Variants in FBLN5 observed in about 807,000 individuals in gnomAD.
FBLN5 encodes the protein fibulin-5.
FBLN5 carries 24 observed loss-of-function variants against 61.6 expected under a neutral mutation model. The ratio of observed to expected loss-of-function variants is 0.39; its 90% CI spans 0.28 to 0.55. FBLN5 has a LOEUF of 0.55. Ranked by LOEUF, FBLN5 falls within the 20% of genes least tolerant of loss-of-function variation. FBLN5 has a pLI of 0.65. For missense variants in FBLN5, 470 were observed against 594.1 expected (o/e 0.79, Z 2.17); for synonymous variants, 213 against 219.8 (o/e 0.97, Z 0.27).
chr14:91,931,668 C>A (rs2055926173), intron 4 of FBLN5, among the ~76,000 whole-genome samples: 1 of 152,330 alleles, frequency 6.6e-6, no homozygotes, highest in South Asian at 2.1e-4. Context: ...AAATATTTCA[C>A]AAACATGAGT....
At chr14:91,906,956 A>G (rs1334393145) in intron 4 of FBLN5, among the ~76,000 whole-genome samples, 2 of 152,212 alleles carry the variant, frequency 1.3e-5, no homozygotes, top group African/African-American at 4.8e-5. Flanking sequence ...GGTAATCCCA[A>G]CTCAGGATGG....
rs750670144 is a variant in FBLN5 at position 91,891,259 on chromosome 14, G to A, written c.581C>T (p.Pro194Leu). 2 of 1,613,606 alleles carry A rather than the reference G, an allele frequency of 1.2e-6. No individual in the cohort carries two copies. The highest frequency in any genetic ancestry group is 1.7e-6 in the Non-Finnish European group (2 of 1,179,502). ...TCCATCCTCATTGAGGGTAAAACCAGGGTTGCATGTACAAGAATAGGATCC... is the reference window on the plus strand; with the variant it reads ...TCCATCCTCATTGAGGGTAAAACCAAGGTTGCATGTACAAGAATAGGATCC... ...VPGSYSCTCN[P>L]GFTLNEDGRS... Residue 194 changes from proline (P) to leucine (L), a missense_variant, in exon 6 of 11, where the codon CCT becomes CTT. Pro to Leu is a moderately conservative substitution (Grantham distance 98, BLOSUM62 -3). Coordinates refer to ENST00000342058, the MANE Select transcript of FBLN5 (RefSeq NM_006329.4).
intron 4 of FBLN5, among the ~76,000 whole-genome samples, chr14:91,897,312 G>A (rs1015184336): frequency 6.6e-6 from 1 of 152,140 alleles, no homozygotes; most frequent in Admixed American, 6.5e-5. Flanking sequence ...AATAATGCTT[G>A]GCCAGAAGCT....
chr14:91,910,695 C>T (rs1412048781), intron 4 of FBLN5, among the ~76,000 whole-genome samples: 2 of 152,140 alleles, frequency 1.3e-5, no homozygotes, highest in Non-Finnish European at 2.9e-5. Flanking sequence ...AACTTAACTC[C>T]ACCCCAACAG....
chr14:91,931,836 G>A (rs917890762), intron 4 of FBLN5, among the ~76,000 whole-genome samples: 1 of 152,180 alleles, frequency 6.6e-6, no homozygotes, highest in Non-Finnish European at 1.5e-5. Flanking sequence ...TAGAGGCAGC[G>A]TGCCATGAGA....
chr14:91,942,309 G>C (rs1263329491), intron 2 of FBLN5: 4 of 385,318 alleles, frequency 1.0e-5, no homozygotes, highest in Admixed American at 3.3e-5. Context: ...TAGGTTTGGA[G>C]CTGAATTATG....
chr14:91,942,768 G>C (rs1224434770), intron 2 of FBLN5, 139 bp downstream of exon 2: 1 of 673,356 alleles, frequency 1.5e-6, no homozygotes, highest in African/African-American at 1.8e-5. Flanking sequence ...GTTAACCTCT[G>C]AGAATGAAGA....
At chr14:91,906,063 T>G (rs1246141819) in intron 4 of FBLN5, among the ~76,000 whole-genome samples, 1 of 152,126 alleles carries the variant, frequency 6.6e-6, no homozygotes, top group Non-Finnish European at 1.5e-5. Context: ...ATTTTTGTAT[T>G]TTCAGTAGAG....
rs1056372858 is a variant in FBLN5 at position 91,887,310 on chromosome 14, C to A, written c.622G>T (p.Val208Leu). The A allele has an allele frequency of 1.2e-6, 2 of 1,611,900 alleles. No individual in the cohort carries two copies. The highest frequency in any genetic ancestry group is 1.7e-6 in the Non-Finnish European group (2 of 1,179,462). Residue 208 changes from valine to leucine, a missense_variant and splice_region_variant, in exon 7 of 11, where the codon GTG becomes TTG. Physicochemically the swap from Val to Leu is conservative, Grantham distance 32. Coordinates refer to ENST00000342058, the MANE Select transcript of FBLN5 (RefSeq NM_006329.4). ...LNEDGRSCQD[V>L]NECATENPCV... ...GGGTTCTCGGTGGCACACTCGTTCA[C>A]ATCTGTGGAAAGCCAAGGCACATTG...
chr14:91,946,113 T>A (rs2056179535), intron 1 of FBLN5, among the ~76,000 whole-genome samples: 1 of 145,332 alleles, frequency 6.9e-6, no homozygotes, highest in South Asian at 2.4e-4. Flanking sequence ...CCATTCCCTT[T>A]GGCTAGAGGC....
intron 3 of FBLN5, among the ~76,000 whole-genome samples, chr14:91,939,260 T>C (rs1273317086): frequency 6.6e-6 from 1 of 152,118 alleles, no homozygotes; most frequent in Non-Finnish European, 1.5e-5. Flanking sequence ...TTGTTAATGC[T>C]GTTCCTTCTA....
chr14:91,925,379 G>A lies in FBLN5; in HGVS notation c.379+11568C>T, dbSNP rs573857916. On this transcript the variant is annotated intron_variant, in intron 4 of 10. Transcript: ENST00000342058. ...AGTCTGTTGTCTGAGGCCCTCTGGA[G>A]GGAAGGAATCCTGTGAATGTCCTTT... 6.6e-5 allele frequency among the ~76,000 whole-genome samples: 10 copies of A among 152,266 alleles called. 1 individual carries two copies. The highest frequency in any genetic ancestry group is 2.4e-4 in the African/African-American group (10 of 41,538).
intron 4 of FBLN5, among the ~76,000 whole-genome samples, chr14:91,935,380 G>A (rs1264657938): frequency 6.6e-6 from 1 of 152,282 alleles, no homozygotes; most frequent in East Asian, 1.9e-4. Flanking sequence ...ACCACCCAAG[G>A]CCCCCTGCCA....
rs2056025947 is a variant in FBLN5, at chr14:91,936,948, C to T, written c.378G>A (p.Val126=). The T allele has an allele frequency of 6.2e-7, 1 of 1,614,062 alleles. No individual in the cohort carries two copies. The highest frequency in any genetic ancestry group is 1.1e-5 in the South Asian group (1 of 91,072). The stretch of plus-strand genomic sequence containing the variant: ...GGAACAAAAGGCCGGGCTACTCACC[C>T]ACACATTGGTTGCTTTCATCCATCT... ...GYQMDESNQC[V]DVDECATDSH... The change falls in exon 4 of 11, where the codon GTG becomes GTA. Residue 126 remains valine (V), a splice_region_variant and synonymous_variant. Coordinates refer to ENST00000342058, the MANE Select transcript of FBLN5 (RefSeq NM_006329.4).
intron 4 of FBLN5, among the ~76,000 whole-genome samples, chr14:91,907,599 G>A (rs1279335580): frequency 6.6e-6 from 1 of 152,094 alleles, no homozygotes; most frequent in African/African-American, 2.4e-5. Flanking sequence ...TGAGAGCTGG[G>A]CTGGGGGTGG....
In FBLN5 at chr14:91,882,680, C is replaced by G. The variant is rs192456539; in HGVS notation, c.862+274G>C. ...CTGCCTGGGGAGGCAGAAAGCCACG[C>G]TTAGAGGCTGCCGTCTGCATCTGCA... is the stretch of plus-strand genomic sequence containing the variant. On this transcript the variant is annotated intron_variant, in intron 8 of 10. Transcript: ENST00000342058. The surrounding 1 kb of genome is among the most constrained non-coding windows in gnomAD (Gnocchi z 4.9). Among the ~76,000 whole-genome samples the G allele has an allele frequency of 2.0e-5, 3 of 152,356 alleles. No homozygotes were observed. Among genetic ancestry groups the G allele is most frequent in the Admixed American group, 1.3e-4 (2 of 15,300 alleles).
chr14:91,935,328 C>T (rs924961069), intron 4 of FBLN5, among the ~76,000 whole-genome samples: 1 of 152,242 alleles, frequency 6.6e-6, no homozygotes, highest in African/African-American at 2.4e-5. Flanking sequence ...AAGGAGGCCG[C>T]TGAGCTTGCC....
intron 4 of FBLN5, among the ~76,000 whole-genome samples, chr14:91,925,861 A>C (rs2055819002): frequency 6.6e-6 from 1 of 152,276 alleles, no homozygotes; most frequent in East Asian, 1.9e-4. Context: ...CCCAGCCCAC[A>C]AGGCGCTTAA....
At chr14:91,922,309 A>AAG (rs1282880804) in intron 4 of FBLN5, among the ~76,000 whole-genome samples, 2 of 134,568 alleles carry the variant, frequency 1.5e-5, no homozygotes, top group Non-Finnish European at 3.1e-5. Flanking sequence ...AATAATAATA[A>AAG]TAAAGTAAAT....
Sources: gnomAD v4.1 joint callset for allele counts (sites outside exome capture counted in the v4.1 genomes callset) on GRCh38, gnomAD v4.1.1 for gene constraint, Gnocchi (gnomAD v3.1) non-coding constraint, MANE v1.5 for transcripts, NCBI Gene and HGNC (gene_info 2026-07-23, HGNC 2026-07-21) for gene names.